Variants in FGD3 observed in about 807,000 individuals in gnomAD.
FGD3 encodes the protein FYVE, RhoGEF and PH domain containing 3.
Under a neutral mutation model 71.8 loss-of-function variants are expected in FGD3, and 45 were observed. That is an observed-to-expected ratio of 0.63 (90% CI 0.49 to 0.80). The LOEUF (loss-of-function observed/expected upper bound fraction) is 0.80, where lower values mean the gene tolerates loss of function less well. Among genes scored for constraint, FGD3 ranks in the 30% least tolerant of loss-of-function variants. The probability of loss-of-function intolerance (pLI) is 0.00; values close to 1 mark genes in which losing one functional copy is unlikely to be tolerated. For synonymous variants in FGD3, 378 were observed against 392.8 expected, an observed-to-expected ratio of 0.96 and a Z score of 0.44; for missense variants, 844 against 951.5, an observed-to-expected ratio of 0.89 and a Z score of 1.49.
At chr9:93,009,211 C>T (rs12683998) in intron 6 of FGD3, among the ~76,000 whole-genome samples, 6,372 of 151,622 alleles carry the variant, frequency 0.042, 183 homozygotes, top group East Asian at 0.14. Context: ...TGCAGTGAGC[C>T]GAGATCGCGC....
chr9:93,004,771 C>A (rs1016500837), intron 5 of FGD3, among the ~76,000 whole-genome samples: 2 of 152,168 alleles, frequency 1.3e-5, no homozygotes, highest in African/African-American at 4.8e-5. Context: ...GCATCAGGAG[C>A]CTGGCCCTTC....
chr9:92,993,517 C>A (rs1392882432), intron 3 of FGD3, among the ~76,000 whole-genome samples: 2 of 151,986 alleles, frequency 1.3e-5, no homozygotes, highest in Non-Finnish European at 2.9e-5. Context: ...GCACAATGTG[C>A]AGGTTTGTTA....
At chr9:92,962,159 C>G (rs1235420531) in intron 1 of FGD3, among the ~76,000 whole-genome samples, 1 of 152,232 alleles carries the variant, frequency 6.6e-6, no homozygotes, top group Non-Finnish European at 1.5e-5. Flanking sequence ...CTCAGTTCTA[C>G]TTTCAAGCCA....
At chr9:92,998,767 A>T (rs1206626439) in intron 3 of FGD3, among the ~76,000 whole-genome samples, 2 of 152,160 alleles carry the variant, frequency 1.3e-5, no homozygotes, top group Non-Finnish European at 2.9e-5. Flanking sequence ...GGGTATCACA[A>T]GTGGAGGCTG....
rs139461533 is a variant in FGD3, at chr9:93,023,388, C to T, written c.1557+999C>T. Among the ~76,000 whole-genome samples the T allele has an allele frequency of 9.5e-4, 144 of 152,324 alleles. 2 individuals are homozygous for T. Among genetic ancestry groups the T allele is most frequent in the African/African-American group, 3.2e-3 (133 of 41,570 alleles). On this transcript the variant is annotated intron_variant, in intron 14 of 17. Transcript: ENST00000375482. ...AAGATGTAGTGCTTCAGGGGCACGA[C>T]GGAGTGTGGAGGCGTGGGGGGCTTG...
chr9:93,026,499 C>T (rs868495503), intron 14 of FGD3, among the ~76,000 whole-genome samples: 11 of 152,170 alleles, frequency 7.2e-5, no homozygotes, highest in African/African-American at 9.7e-5. Flanking sequence ...GGGTTGGCCT[C>T]GACGGGCTGC....
intron 10 of FGD3, among the ~76,000 whole-genome samples, chr9:93,017,666 A>C (rs898915709): frequency 2.6e-5 from 4 of 152,106 alleles, no homozygotes; most frequent in Non-Finnish European, 5.9e-5. Flanking sequence ...GTCTAATCTC[A>C]GGGCGCACCT....
chr9:92,981,763 T>TG (rs1174260153), intron 3 of FGD3, among the ~76,000 whole-genome samples: 7 of 152,232 alleles, frequency 4.6e-5, no homozygotes, highest in African/African-American at 1.7e-4. Context: ...ATCTTTTTGG[T>TG]GACTTGACCT....
chr9:93,016,007 G>A (rs979094951), intron 10 of FGD3, among the ~76,000 whole-genome samples, 178 bp downstream of exon 10: 8 of 152,322 alleles, frequency 5.3e-5, no homozygotes, highest in Admixed American at 1.3e-4. Context: ...TGGTGCCCCA[G>A]GCTGGAAGGG....
rs1229923799 is a variant in FGD3, at chr9:93,019,873, A to G, written c.1386+12A>G. The stretch of plus-strand genomic sequence containing the variant: ...AAGAATGGATTCAGGTGAAGCTTCT[A>G]AAGTTGTAAAGTAACCAAATGACCA... On this transcript the variant is annotated intron_variant, in intron 12 of 17. Coordinates refer to ENST00000375482, the MANE Select transcript of FGD3 (RefSeq NM_001083536.2). 7.4e-6 allele frequency: 12 copies of G among 1,613,890 alleles called. No homozygotes were observed. The highest frequency in any genetic ancestry group is 2.2e-5 in the East Asian group (1 of 44,882).
Position 93,029,456 on chromosome 9 carries a change from C to T in FGD3, c.1558-418C>T, listed in dbSNP as rs374469776. 1.4e-4 allele frequency among the ~76,000 whole-genome samples: 22 copies of T among 152,322 alleles called. 1 individual carries two copies. Among genetic ancestry groups the T allele is most frequent in the East Asian group, 9.7e-4 (5 of 5,180 alleles). Reference sequence around the variant, plus strand: ...CCCGCGGTGCCCAGTATAGAGCAGGCGCATGGCCACACGGCTCCAGTTGCA... The same window carrying T: ...CCCGCGGTGCCCAGTATAGAGCAGGTGCATGGCCACACGGCTCCAGTTGCA... On this transcript the variant is annotated intron_variant, in intron 14 of 17. Transcript: ENST00000375482.
At chr9:92,988,560 A>G (rs1860279400) in intron 3 of FGD3, among the ~76,000 whole-genome samples, 2 of 152,170 alleles carry the variant, frequency 1.3e-5, no homozygotes, top group Admixed American at 1.3e-4. Flanking sequence ...CTAATCTGCC[A>G]TGTTGACTTC....
chr9:92,955,637 G>A (rs1859037422), intron 1 of FGD3, among the ~76,000 whole-genome samples: 2 of 152,140 alleles, frequency 1.3e-5, no homozygotes, highest in Non-Finnish European at 2.9e-5. Flanking sequence ...AAACGATATA[G>A]GACCATATCA....
chr9:93,005,417 A>G (rs1861013598), intron 5 of FGD3, among the ~76,000 whole-genome samples: 1 of 152,216 alleles, frequency 6.6e-6, no homozygotes, highest in Admixed American at 6.5e-5. Context: ...GAGCCACCAC[A>G]CCCAGCCTGG....
At chr9:93,032,590 C>G in intron 15 of FGD3, 179 bp from the exon 16 acceptor site, 1 of 645,678 alleles carries the variant, frequency 1.5e-6, no homozygotes, top group Non-Finnish European at 2.7e-6. Flanking sequence ...GCCAGCCTTG[C>G]TCTCTGCCCT....
At chr9:92,951,344 A>G (rs1858950546) in intron 1 of FGD3, among the ~76,000 whole-genome samples, 1 of 152,174 alleles carries the variant, frequency 6.6e-6, no homozygotes, top group South Asian at 2.1e-4. Flanking sequence ...AGAATTTTTC[A>G]TTGAAATGTG....
chr9:92,957,091 C>T (rs186084492), intron 1 of FGD3, among the ~76,000 whole-genome samples: 109 of 152,260 alleles, frequency 7.2e-4, no homozygotes, highest in African/African-American at 2.6e-3. Flanking sequence ...TTGCTTATTA[C>T]GCATTCTCCA....
At chr9:92,965,341 A>G (rs1859280823) in intron 1 of FGD3, among the ~76,000 whole-genome samples, 1 of 152,200 alleles carries the variant, frequency 6.6e-6, no homozygotes, top group South Asian at 2.1e-4. Flanking sequence ...AGGGGAGGAA[A>G]CCAAGGCACA....
chr9:92,982,252 C>T (rs1441017079), intron 3 of FGD3, among the ~76,000 whole-genome samples: 8 of 152,116 alleles, frequency 5.3e-5, no homozygotes, highest in South Asian at 2.1e-4. Context: ...ACTTTCTGTT[C>T]CTGGCTTATT....
Sources: allele counts gnomAD v4.1 joint callset (sites outside exome capture counted in the v4.1 genomes callset), GRCh38; gene constraint gnomAD v4.1.1; transcripts MANE v1.5; gene names NCBI Gene and HGNC (gene_info 2026-07-23, HGNC 2026-07-21).